The following MAGI1 variants were observed in gnomAD, a reference collection of about 807,000 sequenced individuals.
MAGI1 encodes the protein membrane-associated guanylate kinase, WW and PDZ domain-containing protein 1.
A neutral mutation model predicts 139.9 loss-of-function variants in MAGI1; 58 were observed. That is an observed-to-expected ratio of 0.41 (90% confidence interval 0.34 to 0.52). The LOEUF (loss-of-function observed/expected upper bound fraction) is 0.52, where lower values mean the gene tolerates loss of function less well. Ranked by LOEUF, MAGI1 falls within the 20% of genes least tolerant of loss-of-function variation. MAGI1 has a pLI of 0.12. For synonymous variants in MAGI1, 812 were observed against 737.9 expected (o/e 1.10, Z -1.63); for missense variants, 1,874 against 1,901.6 (o/e 0.99, Z 0.27).
chr3:65,700,632 C>G (rs528691560), intron 1 of MAGI1, among the ~76,000 whole-genome samples: 2 of 151,974 alleles, frequency 1.3e-5, no homozygotes, highest in Non-Finnish European at 2.9e-5. Flanking sequence ...ACTGAACAAC[C>G]ACATCTGATT....
chr3:66,021,858 G>A (rs1164615483), intron 1 of MAGI1, among the ~76,000 whole-genome samples: 4 of 152,112 alleles, frequency 2.6e-5, no homozygotes, highest in Non-Finnish European at 5.9e-5. Flanking sequence ...AACTCTCCCA[G>A]GTAATTCTGA....
chr3:65,871,786 G>C (rs2059947542), intron 1 of MAGI1, among the ~76,000 whole-genome samples: 1 of 152,132 alleles, frequency 6.6e-6, no homozygotes, highest in South Asian at 2.1e-4. Context: ...TTCAGATAAG[G>C]CTAAATATTA....
intron 1 of MAGI1, among the ~76,000 whole-genome samples, chr3:65,939,736 A>G (rs2063222697): frequency 2.0e-5 from 3 of 152,194 alleles, no homozygotes; most frequent in Admixed American, 6.5e-5. Flanking sequence ...GATTTGGGGA[A>G]TAAAAGGACA....
Position 65,734,928 on chromosome 3 carries a change from G to A in MAGI1, c.314-112840C>T, listed in dbSNP as rs188022967. ...AAGAGAGCGGAGGGGAGGGGAGGGG[G>A]AAGGAAGACAAATCCTAAAATTATC... On this transcript the variant is annotated intron_variant, in intron 1 of 22. Coordinates refer to ENST00000402939, the MANE Select transcript of MAGI1 (RefSeq NM_001033057.2). Among the ~76,000 whole-genome samples the A allele has an allele frequency of 3.4e-5, 5 of 146,874 alleles. No individual in the cohort carries two copies. In the East Asian group the frequency reaches 8.8e-4, roughly 26 times the overall value.
chr3:65,468,870 AG>A (rs1290166933), intron 5 of MAGI1, among the ~76,000 whole-genome samples: 2 of 151,786 alleles, frequency 1.3e-5, no homozygotes, highest in African/African-American at 4.8e-5. Flanking sequence ...TGGGAGATAG[AG>A]GCTGCAGTGA....
intron 1 of MAGI1, among the ~76,000 whole-genome samples, chr3:65,730,682 C>A (rs952558252): frequency 1.3e-5 from 2 of 152,170 alleles, no homozygotes; most frequent in African/African-American, 4.8e-5. Flanking sequence ...TTAGCGGGAA[C>A]AGGGAGAGAT....
intron 2 of MAGI1, among the ~76,000 whole-genome samples, chr3:65,601,180 T>C (rs1323748577): frequency 2.0e-5 from 3 of 152,214 alleles, no homozygotes; most frequent in Non-Finnish European, 4.4e-5. Context: ...CAAATATTTA[T>C]TGAGCACATA....
intron 12 of MAGI1, among the ~76,000 whole-genome samples, chr3:65,417,169 C>G (rs981652763): frequency 6.6e-6 from 1 of 152,084 alleles, no homozygotes; most frequent in Non-Finnish European, 1.5e-5. Context: ...TGGGGCCTGT[C>G]GGAGGGCGGC....
chr3:65,732,913 T>C (rs986175878), intron 1 of MAGI1, among the ~76,000 whole-genome samples: 8 of 152,168 alleles, frequency 5.3e-5, no homozygotes, highest in Admixed American at 2.6e-4. Flanking sequence ...AGGTGTAAAA[T>C]ATCAGGGAAT....
rs34314563 is a variant in MAGI1, at chr3:65,760,148, T to TTCCTCC, written c.314-138066_314-138061dup. On this transcript the variant is annotated intron_variant, in intron 1 of 22. Transcript: ENST00000402939. Reference sequence around the variant, plus strand: ...GATTGTTGTCATCATTGTCTTCAACTTCCTCCTCCTCCTCCTCCTCCTCCT... The same window carrying TTCCTCC: ...GATTGTTGTCATCATTGTCTTCAACTTCCTCCTCCTCCTCCTCCTCCTCCTCCTCCT... Among the ~76,000 whole-genome samples, 789 of 150,290 alleles carry TTCCTCC rather than the reference T, an allele frequency of 5.2e-3. 5 individuals carry two copies. Among genetic ancestry groups the TTCCTCC allele is most frequent in the African/African-American group, 0.017 (683 of 40,772 alleles).
chr3:65,418,855 C>T lies in MAGI1; in HGVS notation c.2167+10665G>A, dbSNP rs529497701. Among the ~76,000 whole-genome samples, 4 of 152,348 alleles carry T rather than the reference C, an allele frequency of 2.6e-5. No homozygotes were observed. The East Asian group carries it at 7.7e-4, about 29-fold the overall frequency. Reference sequence around the variant, plus strand: ...CATTAGTAGCCACACTTCATGGGTCCTGCCCTCAGGGGACGTTATGCCACA... The same window carrying T: ...CATTAGTAGCCACACTTCATGGGTCTTGCCCTCAGGGGACGTTATGCCACA... On this transcript the variant is annotated intron_variant, in intron 12 of 22. Transcript: ENST00000402939.
At chr3:65,796,322 T>C (rs2108100446) in intron 1 of MAGI1, among the ~76,000 whole-genome samples, 1 of 152,356 alleles carries the variant, frequency 6.6e-6, no homozygotes, top group East Asian at 1.9e-4. Flanking sequence ...GGTAATCTGC[T>C]TTGCTCTGAA....
At position 65,849,001 on chromosome 3, in the gene MAGI1, C is replaced by CTTTTTTTTTTTTTTTTTTTTTTTTT. The variant is rs558270441; in HGVS notation, c.313+188970_313+188994dup. 5.0e-5 allele frequency among the ~76,000 whole-genome samples: 2 copies of CTTTTTTTTTTTTTTTTTTTTTTTTT among 39,636 alleles called. 1 individual carries two copies. Among genetic ancestry groups the CTTTTTTTTTTTTTTTTTTTTTTTTT allele is most frequent in the Non-Finnish European group, 9.3e-5 (2 of 21,512 alleles). 26.0% of individuals were successfully genotyped at this position (39,636 alleles called of 152,430 possible). On this transcript the variant is annotated intron_variant, in intron 1 of 22. Coordinates refer to ENST00000402939, the MANE Select transcript of MAGI1 (RefSeq NM_001033057.2). The stretch of plus-strand genomic sequence containing the variant: ...GCAGCTCAAGACTATTCAGAGCATT[C>CTTTTTTTTTTTTTTTTTTTTTTTTT]TTTTTTTTTTTTTTTTTTTTTTTTT...
At chr3:65,943,993 T>C (rs1477432215) in intron 1 of MAGI1, among the ~76,000 whole-genome samples, 1 of 152,196 alleles carries the variant, frequency 6.6e-6, no homozygotes, top group East Asian at 1.9e-4. Flanking sequence ...GTGGGCCAAT[T>C]TTCATATTTC....
intron 1 of MAGI1, among the ~76,000 whole-genome samples, chr3:65,939,905 G>A (rs573943197): frequency 1.3e-5 from 2 of 152,248 alleles, no homozygotes; most frequent in African/African-American, 2.4e-5. Flanking sequence ...TTGTTTTACA[G>A]TCCCTGGAGA....
chr3:65,847,512 C>A (rs541663492), intron 1 of MAGI1, among the ~76,000 whole-genome samples: 2 of 152,098 alleles, frequency 1.3e-5, no homozygotes, highest in African/African-American at 4.8e-5. Context: ...ACATATTAAA[C>A]AAATTTTATT....
chr3:65,587,779 GC>G lies in MAGI1; in HGVS notation c.430+34192del, dbSNP rs768256260. 2.0e-5 allele frequency among the ~76,000 whole-genome samples: 3 copies of G among 152,094 alleles called. No individual in the cohort carries two copies. The South Asian group carries it at 6.2e-4, about 31-fold the overall frequency. ...TTACAGACGTGAACCAAGGTGCCCA[GC>G]CTACTTTACCATTTTAAAGTTGAGA... On this transcript the variant is annotated intron_variant, in intron 2 of 22. Transcript: ENST00000402939.
chr3:65,483,975 C>A (rs1408275898), intron 3 of MAGI1, among the ~76,000 whole-genome samples: 1 of 152,190 alleles, frequency 6.6e-6, no homozygotes, highest in Non-Finnish European at 1.5e-5. Context: ...ATATGGCTTT[C>A]AAATTATACA....
chr3:65,944,031 A>G (rs890197783), intron 1 of MAGI1, among the ~76,000 whole-genome samples: 2 of 152,230 alleles, frequency 1.3e-5, no homozygotes, highest in Non-Finnish European at 2.9e-5. Context: ...AGTTCCAGGA[A>G]AAAAACATTC....
Sources: gnomAD v4.1 joint callset for allele counts (sites outside exome capture counted in the v4.1 genomes callset) on GRCh38, gnomAD v4.1.1 for gene constraint, MANE v1.5 for transcripts, NCBI Gene and HGNC (gene_info 2026-07-23, HGNC 2026-07-21) for gene names.